CENPV: variants seen among roughly 807,000 people sequenced by gnomAD.
The protein encoded by CENPV is centromere protein V, also known as nuclear protein p30.
Under a neutral mutation model 26.4 loss-of-function variants are expected in CENPV, and 15 were observed. The observed-to-expected ratio is 0.57, with a 90% CI of 0.38 to 0.88. CENPV has a LOEUF of 0.88. Ranked by LOEUF, CENPV falls within the 40% of genes least tolerant of loss-of-function variation. The pLI, the probability that CENPV is intolerant of heterozygous loss-of-function variation, is 0.00. For missense variants in CENPV, 336 were observed against 376.5 expected (o/e 0.89, Z 0.89); for synonymous variants, 172 against 165.5 (o/e 1.04, Z -0.30).
intron 2 of CENPV, 182 bp from the exon 3 acceptor site, chr17:16,348,867 C>T: frequency 7.2e-7 from 1 of 1,392,214 alleles, no homozygotes; most frequent in East Asian, 2.7e-5. Context: ...TACAGCAGAG[C>T]CCAGGGGGGT....
At chr17:16,346,856 G>T (rs1019272117) in intron 3 of CENPV, among the ~76,000 whole-genome samples, 1 of 147,092 alleles carries the variant, frequency 6.8e-6, no homozygotes, top group Non-Finnish European at 1.5e-5. Flanking sequence ...GTTTTGTTTT[G>T]TTTTGTTTTT....
At position 16,353,378 on chromosome 17, in the gene CENPV, G is replaced by GCCCCGGAGA. The variant is rs2093235897; in HGVS notation, c.58_59insTCTCCGGGG (p.Gly19_Ala20insValSerGly). 8.2e-7 allele frequency: 1 copy of GCCCCGGAGA among 1,226,208 alleles called. No homozygotes were observed. The highest frequency in any genetic ancestry group is 1.0e-6 in the Non-Finnish European group (1 of 987,108). The allele number at this position is 1,226,208 out of a possible 1,614,324, so 76.0% of individuals were successfully genotyped here. On this transcript the variant is annotated inframe_insertion, in exon 1 of 5. Transcript: ENST00000299736. ...CGCGGAGGCCGCGGGGGCCGCGGAGGCCCCGGACCGCTTCTGCCCGCGCAG... is the reference window on the plus strand; with the variant it reads ...CGCGGAGGCCGCGGGGGCCGCGGAGGCCCCGGAGACCCCGGACCGCTTCTGCCCGCGCAG...
intron 2 of CENPV, 28 bp from the exon 3 acceptor site, chr17:16,348,713 T>G: frequency 6.2e-7 from 1 of 1,613,090 alleles, no homozygotes; most frequent in Non-Finnish European, 8.5e-7. Context: ...AAATTCCAGA[T>G]TGTGAGCAGC....
Position 16,353,160 on chromosome 17 carries a change from G to T in CENPV, c.277C>A (p.Pro93Thr). The T allele has an allele frequency of 6.9e-7, 1 of 1,449,806 alleles. No individual in the cohort carries two copies. The highest frequency in any genetic ancestry group is 9.1e-7 in the Non-Finnish European group (1 of 1,104,844). 89.8% of individuals were successfully genotyped at this position (1,449,806 alleles called of 1,614,324 possible). ...LALLPPPPPP[P>T]PTPATPTSSA... The stretch of plus-strand genomic sequence containing the variant: ...GACGTCGGGGTCGCGGGAGTCGGCG[G>T]CGGCGGCGGCGGTGGCGGGAGCAAC... The change falls in exon 1 of 5, where the codon CCG becomes ACG. Residue 93 changes from proline to threonine, a missense_variant. By Grantham distance (38) the Pro-to-Thr change is conservative. Transcript: ENST00000299736.
intron 4 of CENPV, among the ~76,000 whole-genome samples, chr17:16,343,414 C>T (rs1600897856): frequency 6.6e-6 from 1 of 152,252 alleles, no homozygotes; most frequent in East Asian, 1.9e-4. Flanking sequence ...CTCACTGCAA[C>T]CTCTGCCTTA....
At chr17:16,351,621 T>C (rs1328759822) in intron 1 of CENPV, 1 of 152,242 alleles carries the variant, frequency 6.6e-6, no homozygotes, top group East Asian at 1.9e-4. Context: ...AACTTTTTTC[T>C]ACACAATATT....
chr17:16,348,311 A>G lies in CENPV; in HGVS notation c.579+305T>C, dbSNP rs1196203331. 5 of 333,086 alleles carry G rather than the reference A, an allele frequency of 1.5e-5. No homozygotes were observed. In the Admixed American group the frequency reaches 1.7e-4, roughly 11 times the overall value. The allele number at this position is 333,086 out of a possible 1,614,324, so 20.6% of individuals were successfully genotyped here. ...AGCTGGGATTACAGGCATGCACTAC[A>G]ACGCCCAGCTAATTTTTGTATTTTT... On this transcript the variant is annotated intron_variant, in intron 3 of 4. Transcript: ENST00000299736.
At chr17:16,352,939 A>G (rs2093234012) in intron 1 of CENPV, 88 bp downstream of exon 1, 1 of 1,409,856 alleles carries the variant, frequency 7.1e-7, no homozygotes. Flanking sequence ...AAAGGCGCCC[A>G]AGGCCTGCAC....
chr17:16,344,864 T>C (rs2093198829), intron 3 of CENPV, 153 bp from the exon 4 acceptor site: 1 of 339,442 alleles, frequency 2.9e-6, no homozygotes, highest in Non-Finnish European at 5.3e-6. Context: ...TCCACCTGCA[T>C]GGGTTCAAGA....
At position 16,342,680 on chromosome 17, in the gene CENPV, A is replaced by T; in HGVS notation, c.*137T>A. On this transcript the variant is annotated 3_prime_UTR_variant, in exon 5 of 5. Transcript: ENST00000299736. ...GAAACTGGTAGCTGGAGCAAACTGCAGAGATCAAGATGACCCTAGTCAACG... is the reference window on the plus strand; with the variant it reads ...GAAACTGGTAGCTGGAGCAAACTGCTGAGATCAAGATGACCCTAGTCAACG... The T allele has an allele frequency of 1.0e-6, 1 of 961,596 alleles. No homozygotes were observed. The highest frequency in any genetic ancestry group is 1.6e-6 in the Non-Finnish European group (1 of 633,644). 59.6% of individuals were successfully genotyped at this position (961,596 alleles called of 1,614,324 possible). A position where few individuals can be genotyped will look rare whatever the true frequency, so the allele number is the denominator to read the frequency against.
Position 16,348,477 on chromosome 17 carries a change from G to T in CENPV, c.579+139C>A, listed in dbSNP as rs569024335. The T allele has an allele frequency of 4.5e-4, 670 of 1,500,426 alleles. 1 individual carries two copies. The highest frequency in any genetic ancestry group is 5.5e-4 in the Non-Finnish European group (620 of 1,120,052). The allele number at this position is 1,500,426 out of a possible 1,614,324, so 92.9% of individuals were successfully genotyped here. A position where few individuals can be genotyped will look rare whatever the true frequency, so the allele number is the denominator to read the frequency against. Reference sequence around the variant, plus strand: ...GGGCCCACCTTTTAAATGTCAACCTGAAACCAAAGCCCGTGAGAGGCCCTG... The same window carrying T: ...GGGCCCACCTTTTAAATGTCAACCTTAAACCAAAGCCCGTGAGAGGCCCTG... On this transcript the variant is annotated intron_variant, in intron 3 of 4. Coordinates refer to ENST00000299736, the MANE Select transcript of CENPV (RefSeq NM_181716.3).
chr17:16,353,372 G>GCAGAGGCCC lies in CENPV; in HGVS notation c.64_65insGGGCCTCTG (p.Gly19_Ser21dup), dbSNP rs1555875395. On this transcript the variant is annotated inframe_insertion, in exon 1 of 5. Transcript: ENST00000299736. Reference sequence around the variant, plus strand: ...AGCGGCCGCGGAGGCCGCGGGGGCCGCGGAGGCCCCGGACCGCTTCTGCCC... The same window carrying GCAGAGGCCC: ...AGCGGCCGCGGAGGCCGCGGGGGCCGCAGAGGCCCCGGAGGCCCCGGACCGCTTCTGCCC... 1.6e-5 allele frequency: 20 copies of GCAGAGGCCC among 1,239,920 alleles called. No individual in the cohort carries two copies. In the East Asian group the frequency reaches 5.4e-4, roughly 33 times the overall value. The allele number at this position is 1,239,920 out of a possible 1,614,324, so 76.8% of individuals were successfully genotyped here. A position where few individuals can be genotyped will look rare whatever the true frequency, so the allele number is the denominator to read the frequency against.
Position 16,342,705 on chromosome 17 carries a change from G to T in CENPV, c.*112C>A. 1.5e-6 allele frequency: 2 copies of T among 1,319,054 alleles called. No homozygotes were observed. Among genetic ancestry groups the T allele is most frequent in the South Asian group, 1.3e-5 (1 of 78,418 alleles). The allele number at this position is 1,319,054 out of a possible 1,614,324, so 81.7% of individuals were successfully genotyped here. ...AGAGATCAAGATGACCCTAGTCAAC[G>T]GAACCAGCAGCCCAGGTCAGCCACA... On this transcript the variant is annotated 3_prime_UTR_variant, in exon 5 of 5. Transcript: ENST00000299736.
In CENPV at chr17:16,350,456, G is replaced by A. The variant is rs2093224248; in HGVS notation, c.411-427C>T. ...CCACCTGGGTTGAAGCAATTCTCCA[G>A]CCTTAGCCTCCCAAGTAGCTGGGAT... On this transcript the variant is annotated intron_variant, in intron 1 of 4. Transcript: ENST00000299736. Among the ~76,000 whole-genome samples the A allele has an allele frequency of 2.0e-5, 3 of 151,502 alleles. No homozygotes were observed. The South Asian group carries it at 6.2e-4, about 31-fold the overall frequency.
At chr17:16,349,893 A>G (rs781583194) in intron 2 of CENPV, 38 bp downstream of exon 2, 3 of 1,603,442 alleles carry the variant, frequency 1.9e-6, no homozygotes, top group African/African-American at 2.7e-5. Flanking sequence ...TAACTCTGAA[A>G]TTCTTTTAAG....
chr17:16,352,353 G>A (rs1453179322), intron 1 of CENPV, among the ~76,000 whole-genome samples: 1 of 152,188 alleles, frequency 6.6e-6, no homozygotes, highest in Admixed American at 6.5e-5. Flanking sequence ...CTGCGGAGCA[G>A]CCAGGAGGGC....
At chr17:16,347,278 T>G (rs1362430306) in intron 3 of CENPV, among the ~76,000 whole-genome samples, 1 of 152,124 alleles carries the variant, frequency 6.6e-6, no homozygotes, top group African/African-American at 2.4e-5. Flanking sequence ...TTAACCCTCT[T>G]TACGCTTCCC....
At chr17:16,350,199 T>TGA (rs1244583159) in intron 1 of CENPV, among the ~76,000 whole-genome samples, 170 bp from the exon 2 acceptor site, 15 of 152,354 alleles carry the variant, frequency 9.8e-5, no homozygotes, top group African/African-American at 3.4e-4. Flanking sequence ...GAAGAATGGT[T>TGA]TCAGCACCTT....
intron 3 of CENPV, among the ~76,000 whole-genome samples, chr17:16,345,003 C>T (rs997872015): frequency 9.9e-5 from 15 of 151,944 alleles, no homozygotes; most frequent in African/African-American, 3.6e-4. Flanking sequence ...GAACTCCTGA[C>T]CTCATGATTC....
Sources: gnomAD v4.1 joint callset for allele counts (sites outside exome capture counted in the v4.1 genomes callset) on GRCh38, gnomAD v4.1.1 for gene constraint, MANE v1.5 for transcripts, NCBI Gene and HGNC (gene_info 2026-07-23, HGNC 2026-07-21) for gene names.